CSMD1: variants seen among roughly 807,000 people sequenced by gnomAD.
The protein encoded by CSMD1 is CUB and Sushi multiple domains 1, also known as CUB and sushi domain-containing protein 1.
Under a neutral mutation model 417.5 loss-of-function variants are expected in CSMD1, and 213 were observed. The observed-to-expected ratio is 0.51, with a 90% CI of 0.46 to 0.57. The LOEUF (loss-of-function observed/expected upper bound fraction) is 0.57. Ranked by LOEUF, CSMD1 falls within the 20% of genes least tolerant of loss-of-function variation. CSMD1 has a pLI of 0.00. For synonymous variants in CSMD1, 2,862 were observed against 1,736.8 expected, an observed-to-expected ratio of 1.65 and a Z score of -16.11; for missense variants, 6,923 against 4,529.7, an observed-to-expected ratio of 1.53 and a Z score of -15.17.
chr8:4,974,742 A>G (rs375391585), intron 1 of CSMD1, among the ~76,000 whole-genome samples: 2 of 152,278 alleles, frequency 1.3e-5, no homozygotes, highest in South Asian at 2.1e-4. Flanking sequence ...GCAATCCACA[A>G]TATCTGACTA....
At chr8:4,496,118 A>G (rs972945711) in intron 2 of CSMD1, among the ~76,000 whole-genome samples, 4 of 152,228 alleles carry the variant, frequency 2.6e-5, no homozygotes, top group Non-Finnish European at 4.4e-5. Flanking sequence ...GTTAAAGAAA[A>G]GTAGCAATGC....
intron 3 of CSMD1, among the ~76,000 whole-genome samples, chr8:4,339,045 A>G (rs531708292): frequency 5.9e-5 from 9 of 152,128 alleles, no homozygotes; most frequent in Non-Finnish European, 1.3e-4. Context: ...AGAGCCTCAA[A>G]TCTACCGGGA....
intron 6 of CSMD1, among the ~76,000 whole-genome samples, chr8:3,712,230 G>C (rs963751620): frequency 3.9e-5 from 6 of 152,140 alleles, no homozygotes; most frequent in Admixed American, 1.3e-4. Context: ...TGACTTGTGG[G>C]TCCAGGGTCC....
intron 11 of CSMD1, among the ~76,000 whole-genome samples, chr8:3,486,860 G>A (rs1336509726): frequency 6.6e-6 from 1 of 152,176 alleles, no homozygotes; most frequent in Non-Finnish European, 1.5e-5. Context: ...TACCAACAGG[G>A]TTCTTGGAAG....
chr8:3,737,033 C>T (rs1430274108), intron 6 of CSMD1, among the ~76,000 whole-genome samples: 2 of 152,178 alleles, frequency 1.3e-5, no homozygotes, highest in Non-Finnish European at 2.9e-5. Context: ...TACATGATTA[C>T]GTCCAATTAT....
chr8:3,136,656 G>T (rs1479022174), intron 41 of CSMD1, among the ~76,000 whole-genome samples: 1 of 152,096 alleles, frequency 6.6e-6, no homozygotes, highest in Non-Finnish European at 1.5e-5. Context: ...TATATCAGTG[G>T]TTATACCCAG....
chr8:3,998,964 TTATA>T (rs919331109), intron 4 of CSMD1, among the ~76,000 whole-genome samples: 18 of 147,206 alleles, frequency 1.2e-4, no homozygotes, highest in Middle Eastern at 3.6e-3. Flanking sequence ...ATATGGTAGT[TTATA>T]TATAAATAAC....
At chr8:3,926,714 C>CAT (rs747682777) in intron 5 of CSMD1, among the ~76,000 whole-genome samples, 1 of 103,506 alleles carries the variant, frequency 9.7e-6, no homozygotes, top group Non-Finnish European at 1.8e-5. Context: ...AAATTGACAC[C>CAT]TTTTTTTTTT....
chr8:4,136,642 G>A (rs1215736798), intron 3 of CSMD1, among the ~76,000 whole-genome samples: 1 of 152,276 alleles, frequency 6.6e-6, no homozygotes, highest in African/African-American at 2.4e-5. Context: ...TAGTGAGACA[G>A]CATTTTCCTT....
intron 18 of CSMD1, among the ~76,000 whole-genome samples, chr8:3,373,090 T>C (rs1250447939): frequency 6.6e-6 from 1 of 152,230 alleles, no homozygotes; most frequent in Non-Finnish European, 1.5e-5. Context: ...CCAAAGCTAC[T>C]TGTCAGTGGT....
chr8:4,123,664 A>T (rs1038631004), intron 3 of CSMD1, among the ~76,000 whole-genome samples: 1 of 152,354 alleles, frequency 6.6e-6, no homozygotes, highest in Middle Eastern at 3.4e-3. Context: ...TAACACTCTT[A>T]AAGTGGGAAA....
intron 46 of CSMD1, among the ~76,000 whole-genome samples, chr8:3,106,156 C>T (rs1816121251): frequency 6.9e-6 from 1 of 145,444 alleles, no homozygotes; most frequent in Admixed American, 7.2e-5. Flanking sequence ...GAAGCTGAGG[C>T]AGGTAGATAG....
intron 10 of CSMD1, among the ~76,000 whole-genome samples, chr8:3,538,652 T>C (rs764580190): frequency 7.9e-5 from 12 of 152,266 alleles, no homozygotes; most frequent in Non-Finnish European, 1.6e-4. Context: ...CCTCTTTTTG[T>C]TGCCAGACTG....
intron 3 of CSMD1, among the ~76,000 whole-genome samples, chr8:4,302,625 T>C (rs1798038832): frequency 6.6e-6 from 1 of 152,200 alleles, no homozygotes; most frequent in Non-Finnish European, 1.5e-5. Context: ...TGTTGTGTTT[T>C]TCTCTGACAC....
At chr8:3,268,982 C>A (rs928050259) in intron 26 of CSMD1, among the ~76,000 whole-genome samples, 2 of 152,162 alleles carry the variant, frequency 1.3e-5, no homozygotes, top group Non-Finnish European at 2.9e-5. Flanking sequence ...AACCTCCATC[C>A]TCAAGAATAG....
intron 1 of CSMD1, among the ~76,000 whole-genome samples, chr8:4,759,264 G>T (rs1454413108): frequency 6.6e-6 from 1 of 152,138 alleles, no homozygotes; most frequent in African/African-American, 2.4e-5. Flanking sequence ...CTGCCCTCAG[G>T]AAGGATGCCA....
intron 1 of CSMD1, among the ~76,000 whole-genome samples, chr8:4,962,777 G>T (rs1809593763): frequency 6.6e-6 from 1 of 152,104 alleles, no homozygotes; most frequent in Non-Finnish European, 1.5e-5. Flanking sequence ...GGCAGAGAGA[G>T]GGGACAAAAA....
intron 3 of CSMD1, among the ~76,000 whole-genome samples, chr8:4,407,275 G>C (rs1805096012): frequency 6.6e-6 from 1 of 152,154 alleles, no homozygotes; most frequent in South Asian, 2.1e-4. Context: ...TTAACTTTTG[G>C]AGTAATTTCA....
chr8:4,458,346 CAG>C (rs1799611296), intron 2 of CSMD1, among the ~76,000 whole-genome samples: 1 of 151,966 alleles, frequency 6.6e-6, no homozygotes, highest in Non-Finnish European at 1.5e-5. Flanking sequence ...AAAGTTATAT[CAG>C]TAATCATAAT....
Sources: allele counts gnomAD v4.1 joint callset (sites outside exome capture counted in the v4.1 genomes callset), GRCh38; gene constraint gnomAD v4.1.1; transcripts MANE v1.5; gene names NCBI Gene and HGNC (gene_info 2026-07-23, HGNC 2026-07-21).